The following RARB variants were observed in gnomAD, a reference collection of about 807,000 sequenced individuals.
The protein encoded by RARB is retinoic acid receptor beta, also known as HBV-activated protein.
RARB carries 17 observed loss-of-function variants against 51.9 expected under a neutral mutation model. The observed-to-expected ratio is 0.33, with a 90% CI of 0.22 to 0.49. RARB has a LOEUF of 0.49. RARB is among the 20% of genes least tolerant of loss of function. RARB has a pLI of 0.99. For synonymous variants in RARB, 215 were observed against 195.4 expected, an observed-to-expected ratio of 1.10 and a Z score of -0.84; for missense variants, 369 against 550.8, an observed-to-expected ratio of 0.67 and a Z score of 3.30.
upstream of RARB, among the ~76,000 whole-genome samples, chr3:25,423,983 GAA>G (rs1707924205): frequency 2.0e-5 from 3 of 152,190 alleles, no homozygotes; most frequent in African/African-American, 7.2e-5. Context: ...AGAAAGCACA[GAA>G]GCACTAAAGA....
chr3:25,367,024 T>C (rs1706142338), intron 5 of RARB, among the ~76,000 whole-genome samples: 1 of 152,164 alleles, frequency 6.6e-6, no homozygotes, highest in Non-Finnish European at 1.5e-5. Context: ...ACAGGCAGCC[T>C]GTCTCATACC....
At chr3:25,100,052 G>A (rs576481536) in intron 3 of RARB, among the ~76,000 whole-genome samples, 1 of 152,246 alleles carries the variant, frequency 6.6e-6, no homozygotes, top group African/African-American at 2.4e-5. Flanking sequence ...AAAAACACCT[G>A]GCTACGCTTT....
At chr3:25,328,255 T>TA (rs1704783329) in intron 5 of RARB, among the ~76,000 whole-genome samples, 1 of 152,208 alleles carries the variant, frequency 6.6e-6, no homozygotes, top group Admixed American at 6.5e-5. Context: ...TGCAGTGGCT[T>TA]ACGCCTGTAA....
intron 2 of RARB, among the ~76,000 whole-genome samples, chr3:25,013,777 C>T (rs1241723351): frequency 6.6e-6 from 1 of 152,056 alleles, no homozygotes; most frequent in Non-Finnish European, 1.5e-5. Context: ...CTTCAAGGCT[C>T]AAGGGTAGAC....
At chr3:25,371,442 G>T (rs972774678) in intron 5 of RARB, among the ~76,000 whole-genome samples, 1 of 152,170 alleles carries the variant, frequency 6.6e-6, no homozygotes, top group Non-Finnish European at 1.5e-5. Context: ...AAGCCTGAGG[G>T]TTCCTTAAGG....
chr3:24,959,280 A>G (rs1696087910), intron 2 of RARB, among the ~76,000 whole-genome samples: 1 of 152,166 alleles, frequency 6.6e-6, no homozygotes, highest in African/African-American at 2.4e-5. Flanking sequence ...GGTCACATGA[A>G]TGAATTGAAG....
At chr3:24,938,179 GC>G (rs1000987529) in intron 2 of RARB, among the ~76,000 whole-genome samples, 3 of 152,270 alleles carry the variant, frequency 2.0e-5, no homozygotes, top group Non-Finnish European at 2.9e-5. Context: ...AGGTAAGGTA[GC>G]CTTTCAGGTG....
chr3:25,280,555 A>T (rs1703498460), intron 5 of RARB, among the ~76,000 whole-genome samples: 1 of 152,156 alleles, frequency 6.6e-6, no homozygotes, highest in South Asian at 2.1e-4. Flanking sequence ...AACATGGGGT[A>T]TTGGGTGTCA....
chr3:25,074,308 G>T (rs956213304), intron 3 of RARB, among the ~76,000 whole-genome samples: 1 of 152,140 alleles, frequency 6.6e-6, no homozygotes, highest in Non-Finnish European at 1.5e-5. Flanking sequence ...TACATAGGTG[G>T]CTAAAAATAG....
At chr3:25,346,754 T>C (rs1705407018) in intron 5 of RARB, among the ~76,000 whole-genome samples, 1 of 152,086 alleles carries the variant, frequency 6.6e-6, no homozygotes, top group South Asian at 2.1e-4. Flanking sequence ...TTGCTGGCAG[T>C]TGGGAGGGGG....
intron 2 of RARB, among the ~76,000 whole-genome samples, chr3:24,991,325 C>G (rs1696904876): frequency 6.6e-6 from 1 of 152,084 alleles, no homozygotes; most frequent in Non-Finnish European, 1.5e-5. Context: ...TGCCGGTAGT[C>G]CCAGCTACTG....
At chr3:25,316,236 A>G (rs1704421223) in intron 5 of RARB, among the ~76,000 whole-genome samples, 1 of 152,126 alleles carries the variant, frequency 6.6e-6, no homozygotes, top group African/African-American at 2.4e-5. Context: ...TATTCCATCT[A>G]TCTAGAGGTA....
chr3:25,075,286 G>C (rs186845210), intron 3 of RARB, among the ~76,000 whole-genome samples: 4 of 152,020 alleles, frequency 2.6e-5, no homozygotes, highest in African/African-American at 9.7e-5. Flanking sequence ...CCTATACCCC[G>C]TCTTTCTCAG....
intron 5 of RARB, among the ~76,000 whole-genome samples, chr3:25,263,104 C>A (rs1227959246): frequency 6.6e-6 from 1 of 152,168 alleles, no homozygotes; most frequent in Non-Finnish European, 1.5e-5. Context: ...TTGAGTTATG[C>A]ATGTTAATGA....
intron 2 of RARB, among the ~76,000 whole-genome samples, chr3:24,992,057 T>G (rs1007368914): frequency 3.9e-5 from 6 of 152,168 alleles, no homozygotes; most frequent in Admixed American, 3.3e-4. Context: ...CGTGGGCCCT[T>G]GCAACTCCAG....
At chr3:25,010,476 T>A (rs138869140) in intron 2 of RARB, among the ~76,000 whole-genome samples, 2 of 152,272 alleles carry the variant, frequency 1.3e-5, no homozygotes, top group African/African-American at 4.8e-5. Flanking sequence ...TTTAGTTATA[T>A]AACATAATAT....
chr3:25,141,098 C>CT (rs1329733818), intron 4 of RARB, among the ~76,000 whole-genome samples: 1 of 151,944 alleles, frequency 6.6e-6, no homozygotes, highest in East Asian at 1.9e-4. Flanking sequence ...CATGTAATAT[C>CT]TTTGAGGTAT....
intron 2 of RARB, among the ~76,000 whole-genome samples, chr3:24,927,750 C>A (rs779416761): frequency 1.3e-5 from 2 of 151,946 alleles, no homozygotes; most frequent in Non-Finnish European, 2.9e-5. Context: ...CTTGTTAAAG[C>A]GTATTTTTTA....
chr3:25,544,474 C>G (rs571078369), intron 3 of RARB, among the ~76,000 whole-genome samples: 4 of 152,328 alleles, frequency 2.6e-5, no homozygotes, highest in African/African-American at 9.6e-5. Flanking sequence ...CAGCTATCTT[C>G]ACCAAAAACC....
Sources: allele counts gnomAD v4.1 joint callset (sites outside exome capture counted in the v4.1 genomes callset), GRCh38; gene constraint gnomAD v4.1.1; transcripts MANE v1.5; gene names NCBI Gene and HGNC (gene_info 2026-07-23, HGNC 2026-07-21).